USH2A: variants seen among roughly 807,000 people sequenced by gnomAD.
USH2A encodes usherin, also known as Usher syndrome 2A (autosomal recessive, mild).
A neutral mutation model predicts 538.9 loss-of-function variants in USH2A; 443 were observed. The observed-to-expected ratio is 0.82, with a 90% CI of 0.76 to 0.89. The LOEUF is 0.89. USH2A is among the 40% of genes least tolerant of loss of function. USH2A has a pLI of 0.00. For synonymous variants in USH2A, 2,413 were observed against 2,273.5 expected (o/e 1.06, Z -1.75); for missense variants, 6,633 against 6,324.8 (o/e 1.05, Z -1.65).
intron 9 of USH2A, among the ~76,000 whole-genome samples, chr1:216,293,245 C>T (rs1304837671): frequency 1.3e-5 from 2 of 152,108 alleles, no homozygotes; most frequent in Non-Finnish European, 2.9e-5. Flanking sequence ...AGCATGGTCT[C>T]GATCTCCTGA....
intron 21 of USH2A, among the ~76,000 whole-genome samples, chr1:216,103,114 T>G (rs74143958): frequency 6.6e-6 from 1 of 152,162 alleles, no homozygotes; most frequent in Non-Finnish European, 1.5e-5. Flanking sequence ...AGTTCAAAAC[T>G]AGACAAAAAT....
At chr1:216,184,797 G>A (rs995676875) in intron 20 of USH2A, among the ~76,000 whole-genome samples, 7 of 151,860 alleles carry the variant, frequency 4.6e-5, no homozygotes, top group South Asian at 2.1e-4. Context: ...TTATGTACCC[G>A]AATGCAAAAC....
In USH2A at chr1:215,782,897, T is replaced by C; in HGVS notation, c.10426A>G (p.Ile3476Val). 2.5e-6 allele frequency: 4 copies of C among 1,613,788 alleles called. No individual in the cohort carries two copies. The highest frequency in any genetic ancestry group is 3.4e-6 in the Non-Finnish European group (4 of 1,179,862). ...LKPYMTYEYR[I>V]SAWNSYGRGL... ...CGCCCATAGCTGTTCCAGGCAGAAA[T>C]CCTGTACTCATATGTCATGTAGGGC... Residue 3476 changes from isoleucine to valine, a missense_variant, in exon 53 of 72, where the codon ATT (isoleucine) becomes GTT (valine). Ile to Val is a conservative substitution (Grantham distance 29, BLOSUM62 3). Coordinates refer to ENST00000307340, the MANE Select transcript of USH2A (RefSeq NM_206933.4).
chr1:215,699,405 G>T (rs1658929807), intron 61 of USH2A, among the ~76,000 whole-genome samples: 1 of 152,074 alleles, frequency 6.6e-6, no homozygotes, highest in African/African-American at 2.4e-5. Context: ...AAATTACTTT[G>T]GGCAGTATGG....
chr1:215,952,972 A>C (rs1273202748), intron 37 of USH2A, among the ~76,000 whole-genome samples: 1 of 152,184 alleles, frequency 6.6e-6, no homozygotes, highest in Non-Finnish European at 1.5e-5. Context: ...CAATTGCTTC[A>C]AAGAGAATAA....
At chr1:216,010,223 GC>G (rs1475341276) in intron 32 of USH2A, among the ~76,000 whole-genome samples, 1 of 152,150 alleles carries the variant, frequency 6.6e-6, no homozygotes, top group African/African-American at 2.4e-5. Flanking sequence ...ACTTCCAAAT[GC>G]CTGAACTGCA....
intron 64 of USH2A, among the ~76,000 whole-genome samples, chr1:215,655,826 C>G (rs1231580704): frequency 1.3e-5 from 2 of 148,640 alleles, no homozygotes; most frequent in East Asian, 4.2e-4. Flanking sequence ...ATCTCCACCT[C>G]CTGGGTTCAA....
intron 11 of USH2A, among the ~76,000 whole-genome samples, chr1:216,256,925 C>T (rs2102560146): frequency 6.6e-6 from 1 of 152,088 alleles, no homozygotes; most frequent in East Asian, 1.9e-4. Flanking sequence ...CCCTAACTCC[C>T]ATGTCGTTCA....
chr1:216,330,613 G>A (rs557542697), intron 4 of USH2A, among the ~76,000 whole-genome samples: 1 of 151,970 alleles, frequency 6.6e-6, no homozygotes, highest in Non-Finnish European at 1.5e-5. Flanking sequence ...TAGCTGGCTG[G>A]GGGAGAGGGG....
chr1:215,996,520 C>T (rs1193713926), intron 34 of USH2A, among the ~76,000 whole-genome samples: 1 of 130,394 alleles, frequency 7.7e-6, no homozygotes, highest in African/African-American at 2.9e-5. Flanking sequence ...CATTTTATCA[C>T]ATTTCAAAAT....
At chr1:216,319,977 G>A (rs1185340723) in intron 9 of USH2A, among the ~76,000 whole-genome samples, 1 of 152,150 alleles carries the variant, frequency 6.6e-6, no homozygotes, top group Non-Finnish European at 1.5e-5. Flanking sequence ...TCATACATGA[G>A]TGTATGAGAC....
At chr1:216,111,624 T>C (rs1048239424) in intron 21 of USH2A, among the ~76,000 whole-genome samples, 1 of 151,430 alleles carries the variant, frequency 6.6e-6, no homozygotes, top group Non-Finnish European at 1.5e-5. Context: ...TAGAATAAAT[T>C]GGTCAAAGAT....
chr1:216,319,066 A>C (rs1298453617), intron 9 of USH2A, among the ~76,000 whole-genome samples: 2 of 152,208 alleles, frequency 1.3e-5, no homozygotes, highest in Non-Finnish European at 2.9e-5. Context: ...TATCATATGA[A>C]GGTATTAGCC....
At chr1:216,263,240 A>C (rs544687153) in intron 11 of USH2A, among the ~76,000 whole-genome samples, 1 of 152,296 alleles carries the variant, frequency 6.6e-6, no homozygotes, top group East Asian at 1.9e-4. Context: ...TATTCCAAAA[A>C]ATTGAAGGAG....
intron 47 of USH2A, among the ~76,000 whole-genome samples, chr1:215,832,158 T>C (rs938155842): frequency 5.9e-5 from 9 of 151,858 alleles, no homozygotes; most frequent in Non-Finnish European, 1.0e-4. Context: ...AAACCTTCCA[T>C]CAAAGAAAAA....
intron 61 of USH2A, among the ~76,000 whole-genome samples, chr1:215,708,844 C>A (rs1475887513): frequency 1.3e-5 from 2 of 152,020 alleles, no homozygotes; most frequent in Non-Finnish European, 2.9e-5. Flanking sequence ...GGGTTCTGGA[C>A]CCCTTGTGTC....
intron 33 of USH2A, among the ~76,000 whole-genome samples, chr1:216,000,002 C>T (rs898151372): frequency 6.6e-6 from 1 of 151,950 alleles, no homozygotes; most frequent in Non-Finnish European, 1.5e-5. Flanking sequence ...CAGAACATGC[C>T]TATATGTGAA....
chr1:215,888,555 A>C lies in USH2A; in HGVS notation c.8094T>G (p.Tyr2698Ter). 6.2e-7 allele frequency: 1 copy of C among 1,614,124 alleles called. No individual in the cohort carries two copies. Among genetic ancestry groups the C allele is most frequent in the African/African-American group, 1.3e-5 (1 of 75,042 alleles). Reference protein sequence around the residue: ...SALSPWTKYEYRVLMSTLHGG... With the variant: ...SALSPWTKYE ...CATGAAGAGTGCTCATCAGTACCCG[A>C]TATTCATATTTTGTCCATGGGCTAA... Residue 2698 changes from tyrosine (Y) to a stop codon, truncating the protein, a stop_gained, in exon 41 of 72, where the codon TAT becomes TAG. Coordinates refer to ENST00000307340, the MANE Select transcript of USH2A (RefSeq NM_206933.4). LOFTEE classifies it high-confidence loss of function.
chr1:216,304,049 T>C (rs2037268136), intron 9 of USH2A, among the ~76,000 whole-genome samples: 1 of 151,940 alleles, frequency 6.6e-6, no homozygotes, highest in Non-Finnish European at 1.5e-5. Flanking sequence ...ATCATATTAT[T>C]GTGTTTAAGG....
Sources: gnomAD v4.1 joint callset for allele counts (sites outside exome capture counted in the v4.1 genomes callset) on GRCh38, gnomAD v4.1.1 for gene constraint, MANE v1.5 for transcripts, NCBI Gene and HGNC (gene_info 2026-07-23, HGNC 2026-07-21) for gene names.